GRIN2B: variants seen among roughly 807,000 people sequenced by gnomAD.
GRIN2B encodes glutamate ionotropic receptor NMDA type subunit 2B, also known as glutamate receptor ionotropic, NMDA 2B.
GRIN2B carries 5 observed loss-of-function variants against 114.5 expected under a neutral mutation model. That is an observed-to-expected ratio of 0.04 (90% CI 0.02 to 0.09). The LOEUF (loss-of-function observed/expected upper bound fraction) is 0.09. GRIN2B is among the 10% of genes least tolerant of loss of function. The probability of loss-of-function intolerance (pLI) is 1.00; values close to 1 mark genes in which losing one functional copy is unlikely to be tolerated. For synonymous variants in GRIN2B, 787 were observed against 745.1 expected (o/e 1.06, Z -0.92); for missense variants, 1,108 against 1,943.5 (o/e 0.57, Z 8.08).
intron 2 of GRIN2B, among the ~76,000 whole-genome samples, chr12:13,890,216 C>G (rs370867950): frequency 6.6e-6 from 1 of 152,182 alleles, no homozygotes; most frequent in Non-Finnish European, 1.5e-5. Flanking sequence ...TTTTGCCACT[C>G]CTTACAAAAT....
At chr12:13,808,606 A>AG (rs1244311692) in intron 3 of GRIN2B, among the ~76,000 whole-genome samples, 2 of 145,908 alleles carry the variant, frequency 1.4e-5, no homozygotes, top group Non-Finnish European at 3.0e-5. Flanking sequence ...GGGTGGGGGA[A>AG]GGGGGGAGGG....
rs1340196972 is a variant in GRIN2B at position 13,548,023 on chromosome 12, A to G, written c.*14760T>C. 7.3e-6 allele frequency: 1 copy of G among 137,284 alleles called. No homozygotes were observed. The highest frequency in any genetic ancestry group is 2.2e-4 in the East Asian group (1 of 4,638). The allele number at this position is 137,284 out of a possible 1,614,324, so 8.5% of individuals were successfully genotyped here. The stretch of plus-strand genomic sequence containing the variant: ...GAAAGCTACAGAAGAGACCACGGAG[A>G]TGTGTGAGCTGCCAAGGTGCCAATG... On this transcript the variant is annotated 3_prime_UTR_variant, in exon 14 of 14. Transcript: ENST00000609686.
At chr12:13,730,377 C>T (rs1863067410) in intron 4 of GRIN2B, among the ~76,000 whole-genome samples, 1 of 152,002 alleles carries the variant, frequency 6.6e-6, no homozygotes, top group Non-Finnish European at 1.5e-5. Context: ...AATAACCAAA[C>T]AAGCTGACTG....
chr12:13,930,570 T>C (rs1867008763), intron 2 of GRIN2B, among the ~76,000 whole-genome samples: 1 of 152,208 alleles, frequency 6.6e-6, no homozygotes, highest in African/African-American at 2.4e-5. Context: ...TGTTTAAAAA[T>C]GGCCTTTGGT....
At chr12:13,619,275 A>C (rs1949487303) in intron 5 of GRIN2B, among the ~76,000 whole-genome samples, 1 of 152,350 alleles carries the variant, frequency 6.6e-6, no homozygotes, top group Admixed American at 6.5e-5. Flanking sequence ...TGTTTTAAAA[A>C]GCAATTGCAC....
chr12:13,819,161 A>G (rs1046058382), intron 3 of GRIN2B, among the ~76,000 whole-genome samples: 2 of 152,238 alleles, frequency 1.3e-5, no homozygotes, highest in Non-Finnish European at 2.9e-5. Context: ...AGAAGACACC[A>G]GGACACAGCC....
Position 13,607,377 on chromosome 12 carries a change from T to TATATAATATATAAA in GRIN2B, c.2010+1225_2010+1226insTTTATATATTATAT, listed in dbSNP as rs1555110466. 5.0e-3 allele frequency among the ~76,000 whole-genome samples: 130 copies of TATATAATATATAAA among 26,106 alleles called. 4 individuals carry two copies. Among genetic ancestry groups the TATATAATATATAAA allele is most frequent in the African/African-American group, 0.02 (122 of 6,022 alleles). 17.1% of individuals were successfully genotyped at this position (26,106 alleles called of 152,430 possible). A position where few individuals can be genotyped will look rare whatever the true frequency, so the allele number is the denominator to read the frequency against. ...AATATATAATATATATTATATATTATATATATAATATATATTATATATAAT... is the reference window on the plus strand; with the variant it reads ...AATATATAATATATATTATATATTATATATAATATATAAAATATATAATATATATTATATATAAT... On this transcript the variant is annotated intron_variant, in intron 10 of 13. Coordinates refer to ENST00000609686, the MANE Select transcript of GRIN2B (RefSeq NM_000834.5).
rs190145367 is a variant in GRIN2B at position 13,932,471 on chromosome 12, T to C, written c.-19+47457A>G. 7.2e-4 allele frequency among the ~76,000 whole-genome samples: 109 copies of C among 152,376 alleles called. 1 individual carries two copies. The highest frequency in any genetic ancestry group is 6.9e-3 in the Admixed American group (105 of 15,304). On this transcript the variant is annotated intron_variant, in intron 2 of 13. Transcript: ENST00000609686. ...TCTTCATCACTACATTCCCAGTGGCTACAGCAATGCCTACCACTTAATTGG... is the reference window on the plus strand; with the variant it reads ...TCTTCATCACTACATTCCCAGTGGCCACAGCAATGCCTACCACTTAATTGG...
At chr12:13,952,752 ATTTATT>A (rs945912624) in intron 2 of GRIN2B, among the ~76,000 whole-genome samples, 1 of 152,004 alleles carries the variant, frequency 6.6e-6, no homozygotes, top group African/African-American at 2.4e-5. Flanking sequence ...TTCTATTTAT[ATTTATT>A]TTTATCTCAC....
At chr12:13,790,489 GA>G (rs902872471) in intron 3 of GRIN2B, among the ~76,000 whole-genome samples, 16 of 152,168 alleles carry the variant, frequency 1.1e-4, no homozygotes, top group African/African-American at 3.4e-4. Context: ...TGACCCAGAT[GA>G]AAATGTTTTC....
chr12:13,874,217 T>C (rs775436259), intron 2 of GRIN2B, among the ~76,000 whole-genome samples: 5 of 152,246 alleles, frequency 3.3e-5, no homozygotes, highest in Non-Finnish European at 5.9e-5. Flanking sequence ...CAACCAGACC[T>C]GTCACCTGGG....
chr12:13,963,458 A>G (rs1455866908), intron 2 of GRIN2B, among the ~76,000 whole-genome samples: 2 of 152,212 alleles, frequency 1.3e-5, no homozygotes, highest in African/African-American at 4.8e-5. Flanking sequence ...GGAGAAGGCC[A>G]GCAAGGACCA....
In GRIN2B at chr12:13,569,771, A is replaced by G. The variant is rs16909222; in HGVS notation, c.2359+59T>C. The G allele has an allele frequency of 0.082, 82,608 of 1,005,220 alleles. 4,033 individuals carry two copies. The highest frequency in any genetic ancestry group is 0.12 in the African/African-American group (7,724 of 62,112). The allele number at this position is 1,005,220 out of a possible 1,614,324, so 62.3% of individuals were successfully genotyped here. On this transcript the variant is annotated intron_variant, in intron 12 of 13. Coordinates refer to ENST00000609686, the MANE Select transcript of GRIN2B (RefSeq NM_000834.5). ...AGAAATGGAAGAAAAGGAAAGGTTG[A>G]TGTTTTGGACTGGCCATCAGTAGAG...
intron 2 of GRIN2B, among the ~76,000 whole-genome samples, chr12:13,869,241 C>CTTTTTTTTTTTTTT (rs377460231): frequency 4.7e-5 from 6 of 127,370 alleles, no homozygotes; most frequent in Non-Finnish European, 8.2e-5. Flanking sequence ...CTTTTTTTTT[C>CTTTTTTTTTTTTTT]TTTTTTTTTT....
intron 3 of GRIN2B, among the ~76,000 whole-genome samples, chr12:13,839,396 T>C (rs191285937): frequency 6.6e-6 from 1 of 152,146 alleles, no homozygotes; most frequent in South Asian, 2.1e-4. Flanking sequence ...TGGAGAAAAT[T>C]TGAAAGTGGT....
chr12:13,742,320 C>G (rs1037128611), intron 4 of GRIN2B, among the ~76,000 whole-genome samples: 4 of 152,228 alleles, frequency 2.6e-5, no homozygotes, highest in African/African-American at 9.6e-5. Flanking sequence ...TGATCCTCAT[C>G]ATCATGTCTG....
At chr12:13,908,557 G>A (rs1267161574) in intron 2 of GRIN2B, among the ~76,000 whole-genome samples, 1 of 152,208 alleles carries the variant, frequency 6.6e-6, no homozygotes, top group Non-Finnish European at 1.5e-5. Context: ...CCTGATCTCA[G>A]AGCAAAATTC....
intron 2 of GRIN2B, among the ~76,000 whole-genome samples, chr12:13,896,502 C>T (rs957815263): frequency 2.0e-5 from 3 of 152,210 alleles, no homozygotes; most frequent in Non-Finnish European, 2.9e-5. Flanking sequence ...AGGGAACGAT[C>T]ATTAAGGCCA....
At chr12:13,646,333 T>C (rs1228873051) in intron 5 of GRIN2B, among the ~76,000 whole-genome samples, 1 of 152,168 alleles carries the variant, frequency 6.6e-6, no homozygotes, top group Admixed American at 6.5e-5. Context: ...TGCCTTAGTG[T>C]GTCTCCCATA....
Sources: allele counts gnomAD v4.1 joint callset (sites outside exome capture counted in the v4.1 genomes callset), GRCh38; gene constraint gnomAD v4.1.1; transcripts MANE v1.5; gene names NCBI Gene and HGNC (gene_info 2026-07-23, HGNC 2026-07-21).